The following USP9X variants were observed in gnomAD, a reference collection of about 807,000 sequenced individuals.
USP9X encodes ubiquitin specific peptidase 9 X-linked, also known as ubiquitin carboxyl-terminal hydrolase 9X.
USP9X carries 7 observed loss-of-function variants against 190.3 expected under a neutral mutation model. The observed-to-expected ratio is 0.04, with a 90% CI of 0.02 to 0.07. USP9X has a LOEUF of 0.07. Ranked by LOEUF, USP9X falls within the 10% of genes least tolerant of loss-of-function variation. The pLI, the probability that USP9X is intolerant of heterozygous loss-of-function variation, is 1.00. For synonymous variants in USP9X, 645 were observed against 659.5 expected, an observed-to-expected ratio of 0.98 and a Z score of 0.34; for missense variants, 1,010 against 1,916.9, an observed-to-expected ratio of 0.53 and a Z score of 8.83.
At chrX:41,196,987 TTTTGGGCCTTTTTGCAAA>T (rs1233510064) in intron 28 of USP9X, among the ~76,000 whole-genome samples, 4 of 111,966 alleles carry the variant, frequency 3.6e-5, no homozygotes, top group African/African-American at 1.3e-4. Flanking sequence ...TATTTTAGCA[TTTTGGGCCTTTTTGCAAA>T]TTCTAATTTT....
chrX:41,149,691 G>A (rs921775929), intron 12 of USP9X, among the ~76,000 whole-genome samples: 3 of 104,324 alleles, frequency 2.9e-5, no homozygotes, highest in Non-Finnish European at 5.9e-5. Context: ...TGAACATGTG[G>A]AAGCCTCCTG....
intron 32 of USP9X, among the ~76,000 whole-genome samples, chrX:41,206,971 A>G (rs1482596503): frequency 1.9e-5 from 2 of 107,237 alleles, no homozygotes; most frequent in East Asian, 5.8e-4. Flanking sequence ...TTTTTAGTAG[A>G]GACGGGGTTT....
At chrX:41,230,373 C>A in intron 43 of USP9X, 128 bp from the exon 44 acceptor site, 8 of 374,592 alleles carry the variant, frequency 2.1e-5, no homozygotes, top group Admixed American at 1.1e-4. Context: ...AGTTCTTTAT[C>A]TGCAGTAAAA....
rs144354560 is a variant in USP9X at position 41,140,475 on chromosome X, G to A, written c.655-181G>A. ...CAGTGATTTAATCTATACTTACTAC[G>A]TATACTGCTTCTGTCTCACAGATGG... On this transcript the variant is annotated intron_variant, in intron 6 of 44. Coordinates refer to ENST00000378308, the MANE Select transcript of USP9X (RefSeq NM_001039591.3). Among the ~76,000 whole-genome samples the A allele has an allele frequency of 2.4e-3, 266 of 111,870 alleles. 1 individual carries two copies. The highest frequency in any genetic ancestry group is 7.9e-3 in the African/African-American group (244 of 30,837).
At chrX:41,125,378 C>G (rs1273981396) in intron 2 of USP9X, among the ~76,000 whole-genome samples, 1 of 52,577 alleles carries the variant, frequency 1.9e-5, no homozygotes, top group African/African-American at 7.2e-5. Flanking sequence ...CCCGGCCGAT[C>G]CATTTTTTTT....
chrX:41,231,967 G>C (rs747553922), intron 44 of USP9X, among the ~76,000 whole-genome samples: 1 of 111,621 alleles, frequency 9.0e-6, no homozygotes, highest in South Asian at 3.7e-4. Context: ...CAGGGTTACT[G>C]CTCCTATATA....
intron 1 of USP9X, among the ~76,000 whole-genome samples, chrX:41,102,058 G>C (rs984822226): frequency 1.8e-5 from 2 of 111,397 alleles, no homozygotes; most frequent in Non-Finnish European, 3.8e-5. Flanking sequence ...AGTAATCTGA[G>C]ATCGATTTTG....
chrX:41,159,617 C>T (rs1279181084), intron 14 of USP9X, among the ~76,000 whole-genome samples: 1 of 110,689 alleles, frequency 9.0e-6, no homozygotes, highest in Non-Finnish European at 1.9e-5. Flanking sequence ...GCAACCTCCG[C>T]GTCCTGGGTT....
At chrX:41,100,250 A>G (rs1383600928) in intron 1 of USP9X, among the ~76,000 whole-genome samples, 3 of 112,381 alleles carry the variant, frequency 2.7e-5, no homozygotes, top group African/African-American at 9.7e-5. Flanking sequence ...GTGTGTGAGG[A>G]TCTATGAAAT....
chrX:41,125,678 A>ACCCTCTCTCTCTCT (rs1353372304), intron 2 of USP9X, among the ~76,000 whole-genome samples: 1 of 33,892 alleles, frequency 3.0e-5, no homozygotes, highest in Admixed American at 5.1e-4. Flanking sequence ...ACACACACAC[A>ACCCTCTCTCTCTCT]CACACACTCT....
chrX:41,191,661 T>C (rs2062936521), intron 26 of USP9X, among the ~76,000 whole-genome samples: 1 of 111,999 alleles, frequency 8.9e-6, no homozygotes, highest in African/African-American at 3.2e-5. Context: ...GGTGTAATTA[T>C]AATCCACCAG....
chrX:41,093,912 T>C (rs2061970925), intron 1 of USP9X, among the ~76,000 whole-genome samples: 1 of 112,285 alleles, frequency 8.9e-6, no homozygotes, highest in Non-Finnish European at 1.9e-5. Flanking sequence ...TTTGAAATTT[T>C]TGACTTCTCT....
chrX:41,148,810 G>T (rs2062494710), intron 12 of USP9X, among the ~76,000 whole-genome samples: 1 of 112,193 alleles, frequency 8.9e-6, no homozygotes, highest in Non-Finnish European at 1.9e-5. Flanking sequence ...AGATTATACA[G>T]TGGTGGCATT....
At chrX:41,171,771 AC>A (rs2062728296) in intron 20 of USP9X, 66 bp from the exon 21 acceptor site, 1 of 1,136,195 alleles carries the variant, frequency 8.8e-7, no homozygotes, top group Admixed American at 2.3e-5. Flanking sequence ...AGAGAAACTT[AC>A]TTGGGCTTTT....
intron 23 of USP9X, among the ~76,000 whole-genome samples, chrX:41,185,098 G>T (rs2062861941): frequency 8.9e-6 from 1 of 112,036 alleles, no homozygotes; most frequent in Non-Finnish European, 1.9e-5. Context: ...CTTGATCCAT[G>T]TCACAAAAAA....
In USP9X at chrX:41,223,592, C is replaced by T. The variant is rs72626404; in HGVS notation, c.6751+190C>T. 3.8e-3 allele frequency among the ~76,000 whole-genome samples: 420 copies of T among 111,102 alleles called. 15 individuals carry two copies. The East Asian group carries it at 0.087, about 23-fold the overall frequency. On this transcript the variant is annotated intron_variant, in intron 39 of 44. Transcript: ENST00000378308. ...AGCTGGGATTACAGGTGCCCACCAC[C>T]ACGCCCGGCTAATTTTGTATTTTTA...
chrX:41,109,078 CCTG>C (rs1314004108), intron 1 of USP9X, among the ~76,000 whole-genome samples: 2 of 111,757 alleles, frequency 1.8e-5, no homozygotes, highest in African/African-American at 6.5e-5. Flanking sequence ...GAGCTACTGT[CCTG>C]CTGAGCTGGC....
intron 21 of USP9X, among the ~76,000 whole-genome samples, chrX:41,176,645 C>T (rs779782601): frequency 1.8e-5 from 2 of 112,192 alleles, no homozygotes; most frequent in South Asian, 3.7e-4. Flanking sequence ...AAGAAACAGG[C>T]TTCTGCTTAC....
chrX:41,176,743 G>C (rs911500978), intron 21 of USP9X, among the ~76,000 whole-genome samples: 5 of 111,986 alleles, frequency 4.5e-5, no homozygotes, highest in African/African-American at 1.6e-4. Flanking sequence ...GGCTACTGTT[G>C]CCTGGAAGAA....
Sources: gnomAD v4.1 joint callset for allele counts (sites outside exome capture counted in the v4.1 genomes callset) on GRCh38, gnomAD v4.1.1 for gene constraint, MANE v1.5 for transcripts, NCBI Gene and HGNC (gene_info 2026-07-23, HGNC 2026-07-21) for gene names.